The following SLC39A11 variants were observed in gnomAD, a reference collection of about 807,000 sequenced individuals.
SLC39A11 encodes zinc transporter ZIP11.
In SLC39A11, 33 loss-of-function variants were observed where a neutral mutation model predicts 36.1. The observed-to-expected ratio is 0.91, with a 90% CI of 0.69 to 1.22. The LOEUF (loss-of-function observed/expected upper bound fraction) is 1.22. Among genes scored for constraint, SLC39A11 ranks in the 50% most tolerant of loss-of-function variants. The pLI, the probability that SLC39A11 is intolerant of heterozygous loss-of-function variation, is 0.00. For synonymous variants in SLC39A11, 166 were observed against 170.3 expected (o/e 0.97, Z 0.20); for missense variants, 432 against 430.3 (o/e 1.00, Z -0.03).
intron 6 of SLC39A11, among the ~76,000 whole-genome samples, chr17:72,823,188 C>G (rs2077869964): frequency 6.6e-6 from 1 of 151,270 alleles, no homozygotes; most frequent in South Asian, 2.1e-4. Context: ...TGGATGAAAA[C>G]TACTTTCATT....
intron 4 of SLC39A11, among the ~76,000 whole-genome samples, chr17:73,010,865 T>C (rs191856131): frequency 1.1e-4 from 17 of 152,360 alleles, no homozygotes; most frequent in Non-Finnish European, 1.9e-4. Context: ...ATAACTCACA[T>C]GTGTAAAGCA....
At chr17:73,032,300 G>A (rs773816062) in intron 3 of SLC39A11, among the ~76,000 whole-genome samples, 6 of 151,600 alleles carry the variant, frequency 4.0e-5, no homozygotes, top group Non-Finnish European at 7.4e-5. Flanking sequence ...TCCACCTCCC[G>A]GGTTCAAGTG....
At chr17:72,669,128 G>A (rs1221905695) in intron 7 of SLC39A11, among the ~76,000 whole-genome samples, 1 of 152,176 alleles carries the variant, frequency 6.6e-6, no homozygotes, top group Non-Finnish European at 1.5e-5. Flanking sequence ...TAACCATATT[G>A]TAGTTATGCA....
At position 72,959,311 on chromosome 17, in the gene SLC39A11, A is replaced by ATGTGTG. The variant is rs1214552224; in HGVS notation, c.307-11442_307-11437dup. On this transcript the variant is annotated intron_variant, in intron 4 of 9. Coordinates refer to ENST00000255559, the MANE Select transcript of SLC39A11 (RefSeq NM_139177.4). ...AGTGGACAAAGAAACTGGTGTATGT[A>ATGTGTG]TGTGTGTGTGTGTGTATATATATAT... 1.1e-3 allele frequency among the ~76,000 whole-genome samples: 102 copies of ATGTGTG among 92,560 alleles called. 1 individual carries two copies. The highest frequency in any genetic ancestry group is 3.7e-3 in the African/African-American group (89 of 23,902). 60.7% of individuals were successfully genotyped at this position (92,560 alleles called of 152,430 possible).
chr17:72,866,109 T>C (rs1429812833), intron 5 of SLC39A11, among the ~76,000 whole-genome samples: 1 of 152,178 alleles, frequency 6.6e-6, no homozygotes, highest in Non-Finnish European at 1.5e-5. Flanking sequence ...AGGCAAGCAG[T>C]TGAAGCTTCA....
At chr17:72,824,509 G>A (rs1047863186) in intron 6 of SLC39A11, among the ~76,000 whole-genome samples, 2 of 151,306 alleles carry the variant, frequency 1.3e-5, no homozygotes, top group African/African-American at 4.8e-5. Context: ...CTGAAAATGT[G>A]GACGTGACTT....
chr17:72,675,797 C>T (rs1449214076), intron 7 of SLC39A11, among the ~76,000 whole-genome samples: 9 of 152,306 alleles, frequency 5.9e-5, no homozygotes, highest in African/African-American at 1.7e-4. Context: ...GATTCTCCTG[C>T]GTCAGCCTCC....
intron 7 of SLC39A11, among the ~76,000 whole-genome samples, chr17:72,654,410 C>T (rs532909933): frequency 6.6e-6 from 1 of 152,312 alleles, no homozygotes; most frequent in Admixed American, 6.5e-5. Flanking sequence ...GGCCTGTTCT[C>T]GCAGCTTCTG....
At chr17:72,962,783 C>A (rs899583565) in intron 4 of SLC39A11, among the ~76,000 whole-genome samples, 1 of 152,162 alleles carries the variant, frequency 6.6e-6, no homozygotes, top group Non-Finnish European at 1.5e-5. Context: ...GTGGTCCACC[C>A]GCCTCAGCCT....
intron 7 of SLC39A11, among the ~76,000 whole-genome samples, chr17:72,656,591 T>C (rs1241330169): frequency 2.6e-5 from 4 of 150,960 alleles, no homozygotes; most frequent in Non-Finnish European, 4.4e-5. Context: ...ACTCCTGGGG[T>C]TGGGCTGCAC....
intron 3 of SLC39A11, among the ~76,000 whole-genome samples, chr17:73,080,433 T>C (rs555544120): frequency 2.0e-5 from 3 of 152,118 alleles, no homozygotes; most frequent in Non-Finnish European, 2.9e-5. Context: ...GAAAGCCACA[T>C]ATAGAAGAAC....
intron 4 of SLC39A11, among the ~76,000 whole-genome samples, chr17:72,949,143 GCTTTTTTT>G (rs1275045632): frequency 4.9e-4 from 26 of 52,568 alleles, no homozygotes; most frequent in African/African-American, 1.2e-3. Context: ...ACACTGGGCA[GCTTTTTTT>G]TTTTTTTTTT....
At chr17:72,883,086 G>A (rs530388390) in intron 5 of SLC39A11, among the ~76,000 whole-genome samples, 70 of 152,142 alleles carry the variant, frequency 4.6e-4, no homozygotes, top group Middle Eastern at 3.4e-3. Flanking sequence ...CTGAGCCACC[G>A]TGCCAGGCCG....
intron 4 of SLC39A11, among the ~76,000 whole-genome samples, chr17:73,023,829 C>G (rs566441739): frequency 1.3e-5 from 2 of 152,232 alleles, no homozygotes; most frequent in African/African-American, 2.4e-5. Flanking sequence ...TCCAATGTGG[C>G]TGGTGTCTTC....
intron 4 of SLC39A11, among the ~76,000 whole-genome samples, chr17:73,030,236 G>A (rs1224306712): frequency 6.6e-6 from 1 of 152,144 alleles, no homozygotes; most frequent in Non-Finnish European, 1.5e-5. Context: ...ACAAGCCATT[G>A]ACCAGTAGCG....
intron 6 of SLC39A11, among the ~76,000 whole-genome samples, chr17:72,784,507 T>G (rs947255553): frequency 6.6e-6 from 1 of 152,106 alleles, no homozygotes; most frequent in African/African-American, 2.4e-5. Flanking sequence ...TGGAAAACTT[T>G]GGTGATATAG....
chr17:72,980,674 C>G (rs1395317606), intron 4 of SLC39A11, among the ~76,000 whole-genome samples: 2 of 152,082 alleles, frequency 1.3e-5, no homozygotes, highest in Non-Finnish European at 2.9e-5. Flanking sequence ...GCAACTGAAA[C>G]AGAATAGTAC....
intron 3 of SLC39A11, among the ~76,000 whole-genome samples, chr17:73,065,391 C>T (rs1028867913): frequency 4.5e-4 from 68 of 152,126 alleles, no homozygotes; most frequent in African/African-American, 1.6e-3. Flanking sequence ...GGCAACAGAG[C>T]GAGACTCCAG....
chr17:72,985,085 G>A (rs1175302281), intron 4 of SLC39A11, among the ~76,000 whole-genome samples: 1 of 152,234 alleles, frequency 6.6e-6, no homozygotes, highest in Admixed American at 6.5e-5. Flanking sequence ...ACAGTAAGTT[G>A]TCTGGGGCCA....
Sources: gnomAD v4.1 joint callset for allele counts (sites outside exome capture counted in the v4.1 genomes callset) on GRCh38, gnomAD v4.1.1 for gene constraint, MANE v1.5 for transcripts, NCBI Gene and HGNC (gene_info 2026-07-23, HGNC 2026-07-21) for gene names.